Variants in ESYT2 observed in about 807,000 individuals in gnomAD.
ESYT2 encodes the protein extended synaptotagmin 2.
In ESYT2, 54 loss-of-function variants were observed where a neutral mutation model predicts 107.2. The ratio of observed to expected loss-of-function variants is 0.50; its 90% CI spans 0.40 to 0.63. The LOEUF is 0.63. Among genes scored for constraint, ESYT2 ranks in the 30% least tolerant of loss-of-function variants. The pLI, the probability that ESYT2 is intolerant of heterozygous loss-of-function variation, is 0.00. For missense variants in ESYT2, 1,020 were observed against 1,094.5 expected (o/e 0.93, Z 0.96); for synonymous variants, 491 against 434.1 (o/e 1.13, Z -1.63).
chr7:158,754,504 C>T (rs1226045560), intron 13 of ESYT2, among the ~76,000 whole-genome samples: 1 of 152,014 alleles, frequency 6.6e-6, no homozygotes, highest in East Asian at 1.9e-4. Context: ...AGCCACTGTG[C>T]CCGGCCTTTT....
At chr7:158,802,792 T>C (rs370496697) in intron 1 of ESYT2, among the ~76,000 whole-genome samples, 85 of 152,338 alleles carry the variant, frequency 5.6e-4, no homozygotes, top group African/African-American at 2.0e-3. Context: ...ACCTGAGGCA[T>C]TGCTGATTTA....
rs777532285 is a variant in ESYT2 at position 158,793,685 on chromosome 7, T to C, written c.549A>G (p.Val183=). The part of the protein sequence containing the change: ...INGVKVYTEN[V]DKRQIILDLQ... ...GGTCCAAAATAATTTGCCTTTTGTC[T>C]ACATTTTCAGTGTATACCTTAACAC... Residue 183 remains valine, a synonymous_variant, in exon 4 of 23, where the codon GTA becomes GTG. Coordinates refer to ENST00000275418, the MANE Select transcript of ESYT2 (RefSeq NM_001367773.1). 1.9e-6 allele frequency: 3 copies of C among 1,613,536 alleles called. No individual in the cohort carries two copies. The highest frequency in any genetic ancestry group is 2.5e-6 in the Non-Finnish European group (3 of 1,179,770).
Position 158,737,188 on chromosome 7 carries a change from A to G in ESYT2, c.2268-9T>C. 2 of 1,613,436 alleles carry G rather than the reference A, an allele frequency of 1.2e-6. No homozygotes were observed. Among genetic ancestry groups the G allele is most frequent in the Non-Finnish European group, 1.7e-6 (2 of 1,179,442 alleles). Reference sequence around the variant, plus strand: ...AGAAGGCAATGAGGTTTCTTACAACACAAACCAGATAAGACGAGGTATTAG... The same window carrying G: ...AGAAGGCAATGAGGTTTCTTACAACGCAAACCAGATAAGACGAGGTATTAG... On this transcript the variant is annotated splice_polypyrimidine_tract_variant and intron_variant, in intron 19 of 22. Transcript: ENST00000275418.
intron 1 of ESYT2, among the ~76,000 whole-genome samples, chr7:158,809,248 C>A (rs538109337): frequency 1.3e-5 from 2 of 151,780 alleles, no homozygotes; most frequent in South Asian, 2.1e-4. Context: ...GAGGCCAAGG[C>A]GGGCGGATCA....
Position 158,737,093 on chromosome 7 carries a change from TTCC to T in ESYT2, c.2351_2353del (p.Arg784del). The T allele has an allele frequency of 6.2e-7, 1 of 1,614,028 alleles. No homozygotes were observed. Among genetic ancestry groups the T allele is most frequent in the Non-Finnish European group, 8.5e-7 (1 of 1,179,902 alleles). On this transcript the variant is annotated inframe_deletion, in exon 20 of 23. Coordinates refer to ENST00000275418, the MANE Select transcript of ESYT2 (RefSeq NM_001367773.1). ...TAATGTTTTCTTTGACACGTGTGTT[TTCC>T]TCCTTCCTGACCGCCTCTTGTCTGG...
intron 6 of ESYT2, among the ~76,000 whole-genome samples, chr7:158,776,597 C>T (rs963088755): frequency 1.3e-5 from 2 of 152,232 alleles, no homozygotes; most frequent in Non-Finnish European, 2.9e-5. Context: ...ATAGTTAGGA[C>T]TTTGCTGTGG....
chr7:158,791,534 A>G (rs1471119793), intron 4 of ESYT2, among the ~76,000 whole-genome samples: 1 of 152,160 alleles, frequency 6.6e-6, no homozygotes, highest in Non-Finnish European at 1.5e-5. Flanking sequence ...CATTTCTACC[A>G]ACAGTGCACA....
At chr7:158,793,591 C>T in intron 4 of ESYT2, 59 bp downstream of exon 4, 1 of 1,250,756 alleles carries the variant, frequency 8.0e-7, no homozygotes, top group South Asian at 1.2e-5. Flanking sequence ...CTTACAGGTA[C>T]AGCTAAGTGA....
At chr7:158,809,436 A>T (rs1168065584) in intron 1 of ESYT2, among the ~76,000 whole-genome samples, 1 of 120,140 alleles carries the variant, frequency 8.3e-6, no homozygotes, top group Non-Finnish European at 1.6e-5. Flanking sequence ...AGATCGCACC[A>T]TTGCACTCCA....
intron 6 of ESYT2, among the ~76,000 whole-genome samples, chr7:158,781,065 A>G (rs959259934): frequency 1.4e-4 from 22 of 152,270 alleles, no homozygotes; most frequent in African/African-American, 5.3e-4. Context: ...GTGTGAGAAC[A>G]TAAGAGCAAA....
At chr7:158,796,232 C>T (rs540881264) in intron 3 of ESYT2, among the ~76,000 whole-genome samples, 2 of 152,238 alleles carry the variant, frequency 1.3e-5, no homozygotes, top group East Asian at 3.9e-4. Flanking sequence ...AACAATGTTA[C>T]CTTGGACTGT....
chr7:158,795,778 C>G (rs1839439057), intron 3 of ESYT2, among the ~76,000 whole-genome samples: 1 of 152,250 alleles, frequency 6.6e-6, no homozygotes, highest in South Asian at 2.1e-4. Flanking sequence ...AAGTGTCCTA[C>G]AGGCGTCCCG....
At chr7:158,734,565 G>C in intron 21 of ESYT2, 94 bp from the exon 22 acceptor site, 1 of 1,140,478 alleles carries the variant, frequency 8.8e-7, no homozygotes, top group Non-Finnish European at 1.3e-6. Flanking sequence ...AAGATGGGAG[G>C]ATCTCTTAAG....
intron 13 of ESYT2, among the ~76,000 whole-genome samples, chr7:158,757,754 GT>G (rs67853250): frequency 6.7e-4 from 51 of 76,420 alleles, no homozygotes; most frequent in African/African-American, 1.6e-3. Flanking sequence ...GTCTCTCTGG[GT>G]TTTTTTTTTT....
Position 158,748,676 on chromosome 7 carries a change from T to C in ESYT2, c.1558-396A>G, listed in dbSNP as rs57406591. On this transcript the variant is annotated intron_variant, in intron 15 of 22. Coordinates refer to ENST00000275418, the MANE Select transcript of ESYT2 (RefSeq NM_001367773.1). ...AAACTGTTCACAATTCAGTGAGTGA[T>C]GACCTGTAACTTCGGGCAATTTCTT... 9.9e-3 allele frequency among the ~76,000 whole-genome samples: 1,504 copies of C among 152,256 alleles called. 49 individuals carry two copies. The East Asian group carries it at 0.12, about 12-fold the overall frequency.
intron 6 of ESYT2, among the ~76,000 whole-genome samples, chr7:158,784,939 A>G (rs928783222): frequency 6.6e-6 from 1 of 152,168 alleles, no homozygotes; most frequent in African/African-American, 2.4e-5. Context: ...AAGTTTTGGG[A>G]AAGACCTCCG....
At position 158,760,134 on chromosome 7, in the gene ESYT2, T is replaced by C. The variant is rs768404949; in HGVS notation, c.1247A>G (p.Asp416Gly). The C allele has an allele frequency of 6.8e-6, 11 of 1,614,142 alleles. No homozygotes were observed. The highest frequency in any genetic ancestry group is 8.5e-6 in the Non-Finnish European group (10 of 1,180,002). The change falls in exon 12 of 23, where the codon GAC becomes GGC. Residue 416 changes from aspartate (D) to glycine (G), a missense_variant. Transcript: ENST00000275418. The part of the protein sequence containing the change: ...ERLLDEWFTL[D>G]EVPKGKLHLR... ...GTGTAGCTTCCCCTTGGGAACCTCG[T>C]CCAGAGTGAACCACTGAAGAGAAAA...
At chr7:158,802,491 C>G (rs543537011) in intron 1 of ESYT2, among the ~76,000 whole-genome samples, 2 of 152,222 alleles carry the variant, frequency 1.3e-5, no homozygotes, top group South Asian at 4.1e-4. Context: ...ATGTTGGCCA[C>G]GCTGGTCTCA....
At chr7:158,797,768 A>G (rs1839508466) in intron 3 of ESYT2, among the ~76,000 whole-genome samples, 174 bp downstream of exon 3, 2 of 151,610 alleles carry the variant, frequency 1.3e-5, no homozygotes, top group South Asian at 4.2e-4. Context: ...GCAGGAGAAT[A>G]GTGTGAACCT....
Sources: gnomAD v4.1 joint callset for allele counts (sites outside exome capture counted in the v4.1 genomes callset) on GRCh38, gnomAD v4.1.1 for gene constraint, MANE v1.5 for transcripts, NCBI Gene and HGNC (gene_info 2026-07-23, HGNC 2026-07-21) for gene names.